APBB2: variants seen among roughly 807,000 people sequenced by gnomAD.
APBB2 encodes amyloid beta precursor protein binding family B member 2.
Under a neutral mutation model 82.5 loss-of-function variants are expected in APBB2, and 38 were observed. That is an observed-to-expected ratio of 0.46 (90% CI 0.36 to 0.60). The LOEUF (loss-of-function observed/expected upper bound fraction) is 0.60, where lower values mean the gene tolerates loss of function less well. Among genes scored for constraint, APBB2 ranks in the 20% least tolerant of loss-of-function variants. The pLI is 0.00. For synonymous variants in APBB2, 341 were observed against 368.2 expected (o/e 0.93, Z 0.85); for missense variants, 772 against 972.3 (o/e 0.79, Z 2.74).
intron 1 of APBB2, among the ~76,000 whole-genome samples, chr4:41,171,694 A>G (rs1278675366): frequency 1.3e-5 from 2 of 152,188 alleles, no homozygotes; most frequent in Non-Finnish European, 2.9e-5. Context: ...GCGGTGGCTC[A>G]TGCCTGTAAT....
At chr4:40,990,668 T>C (rs574166942) in intron 6 of APBB2, among the ~76,000 whole-genome samples, 3 of 152,264 alleles carry the variant, frequency 2.0e-5, no homozygotes, top group South Asian at 2.1e-4. Flanking sequence ...AGACCAAATA[T>C]GCCATTGCAC....
chr4:41,069,449 C>T (rs1193290570), intron 3 of APBB2, among the ~76,000 whole-genome samples: 1 of 152,186 alleles, frequency 6.6e-6, no homozygotes, highest in Non-Finnish European at 1.5e-5. Flanking sequence ...TTATGTTCCC[C>T]AGACAGCCTT....
intron 1 of APBB2, among the ~76,000 whole-genome samples, chr4:41,194,756 G>A: frequency 6.6e-6 from 1 of 152,202 alleles, no homozygotes; most frequent in Non-Finnish European, 1.5e-5. Context: ...TATGGGAAGA[G>A]AGAACAGAGG....
chr4:41,125,973 G>A (rs368730850), intron 2 of APBB2, among the ~76,000 whole-genome samples: 2 of 152,006 alleles, frequency 1.3e-5, no homozygotes, highest in Admixed American at 6.6e-5. Context: ...AATGAAACCC[G>A]AGGACTCCAA....
intron 3 of APBB2, among the ~76,000 whole-genome samples, chr4:41,085,716 T>C (rs1338634145): frequency 6.6e-6 from 1 of 152,214 alleles, no homozygotes; most frequent in Non-Finnish European, 1.5e-5. Flanking sequence ...AAGTTCATTA[T>C]TTTAAAGTGC....
chr4:40,956,962 G>A (rs1269190953), intron 6 of APBB2, among the ~76,000 whole-genome samples: 2 of 152,148 alleles, frequency 1.3e-5, no homozygotes, highest in Non-Finnish European at 2.9e-5. Flanking sequence ...TTACTATCAG[G>A]AACAGGAGCT....
chr4:41,184,648 G>A (rs1456568007), intron 1 of APBB2, among the ~76,000 whole-genome samples: 1 of 152,190 alleles, frequency 6.6e-6, no homozygotes, highest in Admixed American at 6.5e-5. Context: ...GTGGCAGACT[G>A]GGAGATGCAT....
At chr4:40,990,573 A>G (rs558535017) in intron 6 of APBB2, among the ~76,000 whole-genome samples, 1 of 152,314 alleles carries the variant, frequency 6.6e-6, no homozygotes, top group South Asian at 2.1e-4. Flanking sequence ...ACAGCCTACC[A>G]TTCCAAACCT....
intron 4 of APBB2, among the ~76,000 whole-genome samples, chr4:41,049,240 C>T (rs1208870850): frequency 6.6e-6 from 1 of 150,488 alleles, no homozygotes; most frequent in African/African-American, 2.4e-5. Flanking sequence ...CAGCCGCGAC[C>T]CCGTCTGGGA....
At chr4:41,170,084 C>A (rs1767840178) in intron 1 of APBB2, among the ~76,000 whole-genome samples, 1 of 152,120 alleles carries the variant, frequency 6.6e-6, no homozygotes, top group Non-Finnish European at 1.5e-5. Flanking sequence ...AGGGAACTCC[C>A]AAGTCTTACC....
intron 6 of APBB2, among the ~76,000 whole-genome samples, chr4:40,996,353 A>C (rs576304462): frequency 5.8e-4 from 88 of 152,260 alleles, no homozygotes; most frequent in African/African-American, 2.1e-3. Flanking sequence ...AATAACACCC[A>C]ATCTGTTTAA....
intron 12 of APBB2, among the ~76,000 whole-genome samples, chr4:40,850,668 A>T (rs1759043984): frequency 6.6e-6 from 1 of 152,228 alleles, no homozygotes; most frequent in African/African-American, 2.4e-5. Context: ...TGCAGAGCTG[A>T]GTAGTTGCAA....
intron 12 of APBB2, among the ~76,000 whole-genome samples, chr4:40,844,509 T>C (rs1756940209): frequency 2.0e-5 from 3 of 152,176 alleles, no homozygotes; most frequent in African/African-American, 7.2e-5. Context: ...AGATGGACTG[T>C]CTCCCACGGA....
At chr4:41,130,044 A>G (rs958980389) in intron 2 of APBB2, among the ~76,000 whole-genome samples, 20 of 152,162 alleles carry the variant, frequency 1.3e-4, no homozygotes, top group Non-Finnish European at 4.4e-5. Flanking sequence ...GAGAAAGGAC[A>G]TTATCCAGGA....
chr4:41,195,910 C>T, intron 1 of APBB2, among the ~76,000 whole-genome samples: 1 of 152,208 alleles, frequency 6.6e-6, no homozygotes, highest in Non-Finnish European at 1.5e-5. Flanking sequence ...CCTGTAATCC[C>T]AGCACTTTGG....
chr4:40,822,055 A>T lies in APBB2; in HGVS notation c.1933-5T>A. 6.2e-7 allele frequency: 1 copy of T among 1,614,066 alleles called. No individual in the cohort carries two copies. Among genetic ancestry groups the T allele is most frequent in the Non-Finnish European group, 8.5e-7 (1 of 1,179,908 alleles). On this transcript the variant is annotated splice_polypyrimidine_tract_variant and splice_region_variant and intron_variant, in intron 16 of 17. Coordinates refer to ENST00000508593, the MANE Select transcript of APBB2 (RefSeq NM_004307.2). ...CACTAAGACTTCCTCTTCATTCTGC[A>T]AGAGACATTATGCGGCATCCAATCA...
intron 7 of APBB2, among the ~76,000 whole-genome samples, chr4:40,941,943 G>A (rs994008022): frequency 6.6e-6 from 1 of 152,136 alleles, no homozygotes; most frequent in African/African-American, 2.4e-5. Flanking sequence ...GACCACATAA[G>A]GGTTTTATGG....
intron 12 of APBB2, among the ~76,000 whole-genome samples, chr4:40,882,559 C>T (rs1431002799): frequency 6.6e-6 from 1 of 152,202 alleles, no homozygotes; most frequent in Non-Finnish European, 1.5e-5. Flanking sequence ...TAGGATGGTG[C>T]TCAGAGAAAC....
At chr4:41,012,637 T>G (rs572505175) in intron 6 of APBB2, among the ~76,000 whole-genome samples, 1 of 152,212 alleles carries the variant, frequency 6.6e-6, no homozygotes, top group Non-Finnish European at 1.5e-5. Flanking sequence ...TTGTAATTTA[T>G]CTACCTTATC....
Sources: gnomAD v4.1 joint callset for allele counts (sites outside exome capture counted in the v4.1 genomes callset) on GRCh38, gnomAD v4.1.1 for gene constraint, MANE v1.5 for transcripts, NCBI Gene and HGNC (gene_info 2026-07-23, HGNC 2026-07-21) for gene names.